Variants in RAPGEF5 observed in about 807,000 individuals in gnomAD.
The protein encoded by RAPGEF5 is M-Ras-regulated GEF.
RAPGEF5 carries 65 observed loss-of-function variants against 125.2 expected under a neutral mutation model. The observed-to-expected ratio is 0.52, with a 90% confidence interval of 0.43 to 0.64. The LOEUF (loss-of-function observed/expected upper bound fraction) is 0.64, where lower values mean the gene tolerates loss of function less well. Ranked by LOEUF, RAPGEF5 falls within the 30% of genes least tolerant of loss-of-function variation. The pLI, the probability that RAPGEF5 is intolerant of heterozygous loss-of-function variation, is 0.00. For missense variants in RAPGEF5, 958 were observed against 1,048.1 expected, an observed-to-expected ratio of 0.91 and a Z score of 1.19; for synonymous variants, 391 against 385.9, an observed-to-expected ratio of 1.01 and a Z score of -0.16.
intron 9 of RAPGEF5, among the ~76,000 whole-genome samples, chr7:22,195,657 C>T (rs1279501056): frequency 2.0e-5 from 3 of 152,050 alleles, no homozygotes; most frequent in Non-Finnish European, 4.4e-5. Flanking sequence ...AAAGGGGTTC[C>T]TTTGTTATCT....
intron 10 of RAPGEF5, 129 bp downstream of exon 10, chr7:22,193,786 G>A: frequency 1.2e-6 from 2 of 1,600,506 alleles, no homozygotes; most frequent in South Asian, 2.2e-5. Flanking sequence ...CGCTGGAGAG[G>A]CGGAGAGAAA....
At chr7:22,330,967 C>T (rs754843892) in intron 1 of RAPGEF5, among the ~76,000 whole-genome samples, 3 of 152,154 alleles carry the variant, frequency 2.0e-5, no homozygotes, top group South Asian at 2.1e-4. Context: ...ACATATAGGA[C>T]GCTAGCTTCA....
At chr7:22,212,269 G>GGCC (rs1785527901) in intron 9 of RAPGEF5, among the ~76,000 whole-genome samples, 1 of 152,034 alleles carries the variant, frequency 6.6e-6, no homozygotes, top group Admixed American at 6.5e-5. Flanking sequence ...CACCACACCC[G>GGCC]GCCTCACATG....
At chr7:22,206,511 G>A (rs1327925033) in intron 9 of RAPGEF5, among the ~76,000 whole-genome samples, 1 of 152,052 alleles carries the variant, frequency 6.6e-6, no homozygotes, top group African/African-American at 2.4e-5. Flanking sequence ...AGACCAGCCT[G>A]GGCAACATAG....
intron 9 of RAPGEF5, among the ~76,000 whole-genome samples, chr7:22,211,592 G>C (rs781056085): frequency 2.0e-5 from 3 of 152,190 alleles, no homozygotes; most frequent in Non-Finnish European, 4.4e-5. Flanking sequence ...CATGTATGCT[G>C]GTTACTACTT....
At chr7:22,228,275 G>T (rs1012565511) in intron 8 of RAPGEF5, among the ~76,000 whole-genome samples, 4 of 152,182 alleles carry the variant, frequency 2.6e-5, no homozygotes, top group Non-Finnish European at 4.4e-5. Flanking sequence ...CCTGGTTTCA[G>T]ACCTGGCCCC....
chr7:22,125,565 G>A (rs754378658), intron 25 of RAPGEF5, 39 bp downstream of exon 25: 1 of 1,560,308 alleles, frequency 6.4e-7, no homozygotes, highest in African/African-American at 1.4e-5. Context: ...TACCAACGTA[G>A]AGTCAATTTA....
rs1039617572 is a variant in RAPGEF5, at chr7:22,121,019, G to A, written c.*1387C>T. The A allele has an allele frequency of 5.9e-5, 9 of 152,182 alleles. No homozygotes were observed. The highest frequency in any genetic ancestry group is 1.9e-4 in the African/African-American group (8 of 41,450). 9.4% of individuals were successfully genotyped at this position (152,182 alleles called of 1,614,324 possible). On this transcript the variant is annotated 3_prime_UTR_variant, in exon 26 of 26. Coordinates refer to ENST00000665637, the MANE Select transcript of RAPGEF5 (RefSeq NM_012294.5). ...AGACTCCTGCATTTGGAAAATGAAT[G>A]GACCAGGCCCTTGCATTTTAGCAAG... is the stretch of plus-strand genomic sequence containing the variant.
chr7:22,126,608 T>C (rs191555397), intron 24 of RAPGEF5, among the ~76,000 whole-genome samples: 59 of 152,276 alleles, frequency 3.9e-4, no homozygotes, highest in African/African-American at 1.4e-3. Flanking sequence ...TTCTAAAACA[T>C]TAACATCATT....
chr7:22,310,184 C>T (rs1011875976), intron 3 of RAPGEF5, 94 bp from the exon 4 acceptor site: 20 of 1,273,188 alleles, frequency 1.6e-5, no homozygotes, highest in Non-Finnish European at 1.9e-5. Context: ...CTTTCATGTG[C>T]TTGCTTTTTT....
At chr7:22,145,880 C>T (rs572851809) in intron 19 of RAPGEF5, among the ~76,000 whole-genome samples, 3 of 152,116 alleles carry the variant, frequency 2.0e-5, no homozygotes, top group African/African-American at 4.8e-5. Flanking sequence ...TGATAATTTA[C>T]GAAATCAAAC....
intron 6 of RAPGEF5, among the ~76,000 whole-genome samples, chr7:22,279,982 G>A (rs1270857791): frequency 6.6e-6 from 1 of 152,110 alleles, no homozygotes; most frequent in Non-Finnish European, 1.5e-5. Flanking sequence ...CTTCCTATGT[G>A]CCAGTAGAGA....
chr7:22,222,034 G>A (rs1157231571), intron 8 of RAPGEF5, among the ~76,000 whole-genome samples: 2 of 152,142 alleles, frequency 1.3e-5, no homozygotes, highest in Non-Finnish European at 2.9e-5. Flanking sequence ...ATCACCTGAT[G>A]TCAGGAGTTT....
intron 9 of RAPGEF5, among the ~76,000 whole-genome samples, chr7:22,219,228 T>C (rs747736917): frequency 5.9e-5 from 9 of 152,046 alleles, no homozygotes; most frequent in Non-Finnish European, 1.2e-4. Context: ...CTTCCCAGCA[T>C]GACGGCAGCA....
intron 7 of RAPGEF5, among the ~76,000 whole-genome samples, chr7:22,241,894 T>G (rs1292185779): frequency 6.6e-6 from 1 of 152,170 alleles, no homozygotes; most frequent in African/African-American, 2.4e-5. Context: ...GTAGAGATTC[T>G]GTTACCTTTC....
chr7:22,138,089 A>C (rs1191723313), intron 21 of RAPGEF5, among the ~76,000 whole-genome samples: 1 of 152,078 alleles, frequency 6.6e-6, no homozygotes, highest in East Asian at 1.9e-4. Context: ...ATGAGAAGAC[A>C]CAAAATGGAG....
intron 8 of RAPGEF5, 53 bp from the exon 9 acceptor site, chr7:22,220,044 A>C (rs1785745585): frequency 6.3e-7 from 1 of 1,594,296 alleles, no homozygotes; most frequent in African/African-American, 1.3e-5. Flanking sequence ...GTCCCAGGAC[A>C]TGACACCACC....
At chr7:22,158,867 C>A (rs1783896528) in intron 14 of RAPGEF5, among the ~76,000 whole-genome samples, 1 of 152,200 alleles carries the variant, frequency 6.6e-6, no homozygotes, top group African/African-American at 2.4e-5. Context: ...CTCTTGGACA[C>A]AAGTGATTCT....
chr7:22,286,586 G>A (rs1782803382), intron 6 of RAPGEF5, among the ~76,000 whole-genome samples: 1 of 152,144 alleles, frequency 6.6e-6, no homozygotes. Context: ...ATTTAAGAAT[G>A]TTCATGTTTC....
Sources: gnomAD v4.1 joint callset for allele counts (sites outside exome capture counted in the v4.1 genomes callset) on GRCh38, gnomAD v4.1.1 for gene constraint, MANE v1.5 for transcripts, NCBI Gene and HGNC (gene_info 2026-07-23, HGNC 2026-07-21) for gene names.